Variants in PPP1R12B observed in about 807,000 individuals in gnomAD.
PPP1R12B encodes the protein protein phosphatase 1 regulatory subunit 12B.
In PPP1R12B, 76 loss-of-function variants were observed where a neutral mutation model predicts 126.1. The observed-to-expected ratio is 0.60, with a 90% CI of 0.50 to 0.73. The LOEUF (loss-of-function observed/expected upper bound fraction) is 0.73, where lower values mean the gene tolerates loss of function less well. PPP1R12B is among the 30% of genes least tolerant of loss of function. The pLI is 0.00. For synonymous variants in PPP1R12B, 356 were observed against 434.7 expected (o/e 0.82, Z 2.25); for missense variants, 1,052 against 1,205.1 (o/e 0.87, Z 1.88).
chr1:202,379,416 A>T (rs1232386478), intron 1 of PPP1R12B, among the ~76,000 whole-genome samples: 1 of 152,148 alleles, frequency 6.6e-6, no homozygotes, highest in Non-Finnish European at 1.5e-5. Context: ...ATGCTTATCC[A>T]AGTTTGGAAA....
In PPP1R12B at chr1:202,592,246, C is replaced by T. The variant is rs971847049; in HGVS notation, c.*11686C>T. 4 of 152,750 alleles carry T rather than the reference C, an allele frequency of 2.6e-5. No individual in the cohort carries two copies. The highest frequency in any genetic ancestry group is 5.9e-5 in the Non-Finnish European group (4 of 68,134). 9.5% of individuals were successfully genotyped at this position (152,750 alleles called of 1,614,324 possible). ...TACCAGGCTGGACACTGCACCGGGC[C>T]CTGAGGTTTGGCTCTGCAGGCAGAT... On this transcript the variant is annotated 3_prime_UTR_variant, in exon 24 of 24. Coordinates refer to ENST00000608999, the MANE Select transcript of PPP1R12B (RefSeq NM_002481.4).
Position 202,437,887 on chromosome 1 carries a change from G to C in PPP1R12B, c.1321G>C (p.Gly441Arg). The change falls in exon 10 of 24, where the codon GGA (glycine) becomes CGA (arginine). Residue 441 changes from glycine (G) to arginine (R), a missense_variant. By Grantham distance (125) the Gly-to-Arg change is moderately radical (BLOSUM62 -2). Coordinates refer to ENST00000608999, the MANE Select transcript of PPP1R12B (RefSeq NM_002481.4). The part of the protein sequence containing the change: ...KDESPSSWRL[G>R]LRKTGSHNML... Reference sequence around the variant, plus strand: ...TGAATCTCCTTCTTCATGGAGATTGGGACTGAGAAAAACTGGCAGCCACAA... The same window carrying C: ...TGAATCTCCTTCTTCATGGAGATTGCGACTGAGAAAAACTGGCAGCCACAA... 6.2e-7 allele frequency: 1 copy of C among 1,613,900 alleles called. No individual in the cohort carries two copies. Among genetic ancestry groups the C allele is most frequent in the Non-Finnish European group, 8.5e-7 (1 of 1,179,836 alleles).
Position 202,495,293 on chromosome 1 carries a change from C to G in PPP1R12B, c.2146C>G (p.Pro716Ala). Reference protein sequence around the residue: ...QPWGRSLDEEPICHRLRCPAQ... With the variant: ...QPWGRSLDEEAICHRLRCPAQ... ...ATCTCATATTGTGGATTATTTCCAG[C>G]CTATCTGTCATCGCCTGAGGTGCCC... Residue 716 changes from proline to alanine, a missense_variant and splice_region_variant, in exon 16 of 24, where the codon CCT (proline) becomes GCT (alanine). By Grantham distance (27) the Pro-to-Ala change is conservative. Coordinates refer to ENST00000608999, the MANE Select transcript of PPP1R12B (RefSeq NM_002481.4). The G allele has an allele frequency of 6.5e-7, 1 of 1,550,272 alleles. No individual in the cohort carries two copies. The highest frequency in any genetic ancestry group is 1.4e-5 in the African/African-American group (1 of 72,762).
chr1:202,511,410 G>C (rs1294849636), intron 18 of PPP1R12B, among the ~76,000 whole-genome samples: 1 of 151,758 alleles, frequency 6.6e-6, no homozygotes, highest in Non-Finnish European at 1.5e-5. Flanking sequence ...GTAGAGATGG[G>C]GTTTCACCGT....
chr1:202,467,122 T>C (rs1675100730), intron 13 of PPP1R12B, among the ~76,000 whole-genome samples: 1 of 152,092 alleles, frequency 6.6e-6, no homozygotes, highest in Non-Finnish European at 1.5e-5. Flanking sequence ...GTGATCTTTC[T>C]TATATGCAAA....
chr1:202,474,717 G>A (rs930262911), intron 13 of PPP1R12B, among the ~76,000 whole-genome samples: 1 of 152,034 alleles, frequency 6.6e-6, no homozygotes, highest in Non-Finnish European at 1.5e-5. Context: ...GTGCAGTATG[G>A]TAATCAGTAG....
At chr1:202,506,269 T>A (rs1213952257) in intron 18 of PPP1R12B, among the ~76,000 whole-genome samples, 1 of 152,256 alleles carries the variant, frequency 6.6e-6, no homozygotes, top group Admixed American at 6.5e-5. Flanking sequence ...CTTAAAATAC[T>A]GCAGATGCTG....
At chr1:202,571,454 T>TC (rs955722385) in intron 23 of PPP1R12B, among the ~76,000 whole-genome samples, 10 of 152,136 alleles carry the variant, frequency 6.6e-5, no homozygotes, top group Non-Finnish European at 1.2e-4. Flanking sequence ...TGTTTTTTTT[T>TC]TCTCTTTGAG....
intron 2 of PPP1R12B, among the ~76,000 whole-genome samples, chr1:202,421,841 T>A (rs986445151): frequency 6.6e-6 from 1 of 152,198 alleles, no homozygotes; most frequent in Non-Finnish European, 1.5e-5. Flanking sequence ...AAAGATGAAC[T>A]AGATTTGAAG....
chr1:202,464,853 C>T (rs1674779544), intron 13 of PPP1R12B, among the ~76,000 whole-genome samples: 1 of 152,134 alleles, frequency 6.6e-6, no homozygotes, highest in African/African-American at 2.4e-5. Flanking sequence ...ATCAAATGTA[C>T]ACATAGTAAG....
chr1:202,401,233 A>C (rs936247994), intron 1 of PPP1R12B, among the ~76,000 whole-genome samples: 1 of 151,530 alleles, frequency 6.6e-6, no homozygotes, highest in Non-Finnish European at 1.5e-5. Flanking sequence ...TCTGGCACCT[A>C]CGCTGGAGTA....
chr1:202,455,359 A>G (rs1673490936), intron 13 of PPP1R12B, among the ~76,000 whole-genome samples: 1 of 152,204 alleles, frequency 6.6e-6, no homozygotes, highest in African/African-American at 2.4e-5. Flanking sequence ...TGTACCCTGT[A>G]GCTATCCCCC....
intron 18 of PPP1R12B, among the ~76,000 whole-genome samples, chr1:202,532,451 G>A (rs1684056012): frequency 1.3e-5 from 2 of 152,150 alleles, no homozygotes; most frequent in Non-Finnish European, 2.9e-5. Context: ...AAGATAGAGT[G>A]CCTCTGGTTC....
chr1:202,552,209 CTTGGAAGTTG>C (rs1485877716), intron 18 of PPP1R12B, among the ~76,000 whole-genome samples: 2 of 152,162 alleles, frequency 1.3e-5, no homozygotes, highest in Non-Finnish European at 2.9e-5. Context: ...TTGCATAAAT[CTTGGAAGTTG>C]TTGTTCCACC....
intron 1 of PPP1R12B, among the ~76,000 whole-genome samples, chr1:202,394,483 A>G (rs1160156904): frequency 6.6e-6 from 1 of 150,626 alleles, no homozygotes; most frequent in Non-Finnish European, 1.5e-5. Context: ...GGCCGGGCAC[A>G]GTGGCTCACG....
chr1:202,531,504 A>G (rs1354482111), intron 18 of PPP1R12B, among the ~76,000 whole-genome samples: 2 of 152,212 alleles, frequency 1.3e-5, no homozygotes, highest in East Asian at 1.9e-4. Context: ...AGTACCTTGC[A>G]TAGAATAAGA....
chr1:202,509,285 A>G (rs1681163823), intron 18 of PPP1R12B, among the ~76,000 whole-genome samples: 1 of 152,218 alleles, frequency 6.6e-6, no homozygotes, highest in African/African-American at 2.4e-5. Context: ...GGCAGCATTA[A>G]TGAGTTTTGG....
chr1:202,495,492 A>G lies in PPP1R12B; in HGVS notation c.2335+10A>G, dbSNP rs753938544. ...GAAATGGACAAAAATGGTATGTAGA[A>G]CTTCAAAAGACACAGGCCCCTCCAC... On this transcript the variant is annotated intron_variant, in intron 16 of 23. Transcript: ENST00000608999. 4 of 1,607,078 alleles carry G rather than the reference A, an allele frequency of 2.5e-6. No homozygotes were observed. Among genetic ancestry groups the G allele is most frequent in the Non-Finnish European group, 3.4e-6 (4 of 1,175,802 alleles).
chr1:202,517,892 C>T (rs190474688), intron 18 of PPP1R12B, among the ~76,000 whole-genome samples: 1 of 152,318 alleles, frequency 6.6e-6, no homozygotes, highest in East Asian at 1.9e-4. Context: ...TCCGAAAGTG[C>T]TGGGATTACA....
Sources: allele counts gnomAD v4.1 joint callset (sites outside exome capture counted in the v4.1 genomes callset), GRCh38; gene constraint gnomAD v4.1.1; transcripts MANE v1.5; gene names NCBI Gene and HGNC (gene_info 2026-07-23, HGNC 2026-07-21).